Variants in SLC25A17 observed in about 807,000 individuals in gnomAD.
SLC25A17 encodes solute carrier family 25 member 17.
SLC25A17 carries 26 observed loss-of-function variants against 38.5 expected under a neutral mutation model. That is an observed-to-expected ratio of 0.68 (90% CI 0.50 to 0.94). The LOEUF (loss-of-function observed/expected upper bound fraction) is 0.94, where lower values mean the gene tolerates loss of function less well. SLC25A17 is among the 40% of genes least tolerant of loss of function. The pLI, the probability that SLC25A17 is intolerant of heterozygous loss-of-function variation, is 0.00. For missense variants in SLC25A17, 333 were observed against 372.7 expected, an observed-to-expected ratio of 0.89 and a Z score of 0.88; for synonymous variants, 139 against 136.2, an observed-to-expected ratio of 1.02 and a Z score of -0.14.
At chr22:40,792,393 A>T in intron 4 of SLC25A17, 132 bp downstream of exon 4, 5 of 299,382 alleles carry the variant, frequency 1.7e-5, no homozygotes, top group Admixed American at 5.5e-5. Context: ...TAACACAATT[A>T]AAAAAAAAAA....
In SLC25A17 at chr22:40,792,371, T is replaced by C. The variant is rs1168587911; in HGVS notation, c.334+154A>G. Reference sequence around the variant, plus strand: ...CTTAAAATTAACATGGTAAATTTTATGTCACGTTTTTTAACACAATTAAAA... The same window carrying C: ...CTTAAAATTAACATGGTAAATTTTACGTCACGTTTTTTAACACAATTAAAA... On this transcript the variant is annotated intron_variant, in intron 4 of 8. Coordinates refer to ENST00000435456, the MANE Select transcript of SLC25A17 (RefSeq NM_006358.4). Among the ~76,000 whole-genome samples, 4 of 152,130 alleles carry C rather than the reference T, an allele frequency of 2.6e-5. No homozygotes were observed. In the East Asian group the frequency reaches 7.7e-4, roughly 29 times the overall value.
At chr22:40,802,769 TTAA>T (rs1198347697) in intron 1 of SLC25A17, among the ~76,000 whole-genome samples, 3 of 152,174 alleles carry the variant, frequency 2.0e-5, no homozygotes, top group African/African-American at 7.2e-5. Flanking sequence ...ACTCCAATGA[TTAA>T]TAATGAGAAC....
intron 1 of SLC25A17, among the ~76,000 whole-genome samples, chr22:40,809,590 C>T (rs1222330591): frequency 6.6e-6 from 1 of 151,974 alleles, no homozygotes; most frequent in Non-Finnish European, 1.5e-5. Flanking sequence ...TGAGATTGTG[C>T]CACTGCACTC....
At chr22:40,777,815 A>G (rs1245495454) in intron 5 of SLC25A17, among the ~76,000 whole-genome samples, 1 of 152,088 alleles carries the variant, frequency 6.6e-6, no homozygotes, top group Non-Finnish European at 1.5e-5. Flanking sequence ...CTTTCTTGCA[A>G]TGATAGTTTG....
At chr22:40,816,081 C>T (rs759568979) in intron 1 of SLC25A17, among the ~76,000 whole-genome samples, 4 of 151,492 alleles carry the variant, frequency 2.6e-5, no homozygotes, top group Admixed American at 6.6e-5. Context: ...AGCCACTCGG[C>T]GAGAGGCTGA....
At chr22:40,782,749 A>G (rs904241096) in intron 4 of SLC25A17, among the ~76,000 whole-genome samples, 1 of 152,254 alleles carries the variant, frequency 6.6e-6, no homozygotes, top group African/African-American at 2.4e-5. Flanking sequence ...GCCAGAGGGC[A>G]GGAAATACAT....
chr22:40,795,548 C>T (rs1203283836), intron 2 of SLC25A17, among the ~76,000 whole-genome samples: 2 of 152,168 alleles, frequency 1.3e-5, no homozygotes, highest in Admixed American at 1.3e-4. Context: ...TCTTGGCCTC[C>T]CAAAGTGCTG....
chr22:40,786,646 C>A (rs1167916638), intron 4 of SLC25A17, among the ~76,000 whole-genome samples: 2 of 152,214 alleles, frequency 1.3e-5, no homozygotes, highest in Admixed American at 1.3e-4. Context: ...AGTATAGATA[C>A]AACTACCCTC....
rs543708557 is a variant in SLC25A17, at chr22:40,788,718, A to T, written c.334+3807T>A. 20 of 229,804 alleles carry T rather than the reference A, an allele frequency of 8.7e-5. No individual in the cohort carries two copies. In the Middle Eastern group the frequency reaches 9.6e-3, roughly 110 times the overall value. The allele number at this position is 229,804 out of a possible 1,614,324, so 14.2% of individuals were successfully genotyped here. A position where few individuals can be genotyped will look rare whatever the true frequency, so the allele number is the denominator to read the frequency against. ...AAACTTAAAATAAAATAAAATAAAA[A>T]CAAAACAAAACACTGAAATACTGGA... On this transcript the variant is annotated intron_variant, in intron 4 of 8. Transcript: ENST00000435456.
intron 4 of SLC25A17, among the ~76,000 whole-genome samples, chr22:40,783,247 A>C (rs1327008158): frequency 3.3e-5 from 5 of 152,156 alleles, no homozygotes; most frequent in Non-Finnish European, 5.9e-5. Context: ...TGACAGTACT[A>C]ATATTTTGGG....
At chr22:40,771,268 A>C (rs563978015) in intron 8 of SLC25A17, among the ~76,000 whole-genome samples, 2 of 152,090 alleles carry the variant, frequency 1.3e-5, no homozygotes, top group Non-Finnish European at 2.9e-5. Flanking sequence ...CCACGACACC[A>C]GGCTAATTTT....
chr22:40,819,148 G>A lies in SLC25A17; in HGVS notation c.54+47C>T, dbSNP rs765448941. The A allele has an allele frequency of 1.9e-6, 3 of 1,605,384 alleles. No homozygotes were observed. In the East Asian group the frequency reaches 6.7e-5, roughly 36 times the overall value. On this transcript the variant is annotated intron_variant, in intron 1 of 8. Transcript: ENST00000435456. Reference sequence around the variant, plus strand: ...GGCATATCCCGGGACTGGCCCCCGAGAAGCCTTATAACCCGTTGCGGCCCG... The same window carrying A: ...GGCATATCCCGGGACTGGCCCCCGAAAAGCCTTATAACCCGTTGCGGCCCG...
chr22:40,789,017 A>T lies in SLC25A17; in HGVS notation c.334+3508T>A, dbSNP rs2145669702. The stretch of plus-strand genomic sequence containing the variant: ...GTATGCATGGTATGTGTTTCCATGG[A>T]CTTCTTCGTATTCTCATAGTATGGG... On this transcript the variant is annotated intron_variant, in intron 4 of 8. Transcript: ENST00000435456. The surrounding 1 kb of genome is among the most constrained non-coding windows in gnomAD (Gnocchi z 4.5). 1 of 304,716 alleles carries T rather than the reference A, an allele frequency of 3.3e-6. No homozygotes were observed. Among genetic ancestry groups the T allele is most frequent in the Non-Finnish European group, 6.6e-6 (1 of 151,342 alleles). The allele number at this position is 304,716 out of a possible 1,614,324, so 18.9% of individuals were successfully genotyped here.
At chr22:40,801,262 GAGAATACTC>G (rs1311149371) in intron 1 of SLC25A17, among the ~76,000 whole-genome samples, 1 of 150,038 alleles carries the variant, frequency 6.7e-6, no homozygotes, top group Non-Finnish European at 1.5e-5. Flanking sequence ...CATGACAAGG[GAGAATACTC>G]TAATATTTGT....
chr22:40,774,115 T>C (rs1396507265), intron 7 of SLC25A17, 96 bp from the exon 8 acceptor site: 5 of 683,826 alleles, frequency 7.3e-6, no homozygotes, highest in South Asian at 1.7e-5. Context: ...TAGTATCTTA[T>C]AGCATACATT....
At chr22:40,776,985 A>C in intron 7 of SLC25A17, 55 bp downstream of exon 7, 1 of 1,378,384 alleles carries the variant, frequency 7.3e-7, no homozygotes, top group Non-Finnish European at 1.0e-6. Context: ...AAATCAAGAG[A>C]CTACATGTAT....
chr22:40,776,503 T>A (rs2057245177), intron 7 of SLC25A17, among the ~76,000 whole-genome samples: 1 of 152,236 alleles, frequency 6.6e-6, no homozygotes, highest in Admixed American at 6.5e-5. Flanking sequence ...TGTCTCCACA[T>A]CTGTGTTTTC....
chr22:40,810,424 T>C (rs1311473916), intron 1 of SLC25A17, among the ~76,000 whole-genome samples: 1 of 151,418 alleles, frequency 6.6e-6, no homozygotes, highest in Non-Finnish European at 1.5e-5. Flanking sequence ...CTCAGCTCAC[T>C]GCAACCTCCG....
In SLC25A17 at chr22:40,816,757, C is replaced by T. The variant is rs2057644736; in HGVS notation, c.54+2438G>A. On this transcript the variant is annotated intron_variant, in intron 1 of 8. Coordinates refer to ENST00000435456, the MANE Select transcript of SLC25A17 (RefSeq NM_006358.4). ...TCCCGAGTAGCTGGGATTACAGGCG[C>T]CCACCACCATGCCTGGCTACTTTTT... Among the ~76,000 whole-genome samples, 3 of 151,872 alleles carry T rather than the reference C, an allele frequency of 2.0e-5. No homozygotes were observed. In the South Asian group the frequency reaches 6.2e-4, roughly 32 times the overall value.
Sources: allele counts gnomAD v4.1 joint callset (sites outside exome capture counted in the v4.1 genomes callset), GRCh38; gene constraint gnomAD v4.1.1; non-coding constraint Gnocchi (gnomAD v3.1); transcripts MANE v1.5; gene names NCBI Gene and HGNC (gene_info 2026-07-23, HGNC 2026-07-21).